FRYL: variants seen among roughly 807,000 people sequenced by gnomAD.
FRYL encodes the protein protein furry homolog-like.
Under a neutral mutation model 351.2 loss-of-function variants are expected in FRYL, and 150 were observed. That is an observed-to-expected ratio of 0.43 (90% CI 0.37 to 0.49). The LOEUF is 0.49. Among genes scored for constraint, FRYL ranks in the 20% least tolerant of loss-of-function variants. FRYL has a pLI of 0.00. For missense variants in FRYL, 3,036 were observed against 3,619.3 expected (o/e 0.84, Z 4.13); for synonymous variants, 1,153 against 1,257.1 (o/e 0.92, Z 1.75).
chr4:48,601,950 G>A (rs1745799085), intron 13 of FRYL, 70 bp downstream of exon 13: 1 of 874,726 alleles, frequency 1.1e-6, no homozygotes, highest in Non-Finnish European at 1.9e-6. Flanking sequence ...ATTATGCACT[G>A]TTCAATTTAT....
At chr4:48,770,879 C>T (rs1775445119) in intron 1 of FRYL, among the ~76,000 whole-genome samples, 1 of 152,124 alleles carries the variant, frequency 6.6e-6, no homozygotes, top group Admixed American at 6.6e-5. Flanking sequence ...AAATTCCAAG[C>T]TACTATCCCT....
At chr4:48,505,250 A>G in intron 60 of FRYL, 1 of 344,858 alleles carries the variant, frequency 2.9e-6, no homozygotes, top group South Asian at 4.3e-5. Context: ...ATTTTTCTTT[A>G]AGAGGCACAT....
At chr4:48,614,594 C>T (rs1180456974) in intron 7 of FRYL, among the ~76,000 whole-genome samples, 2 of 151,258 alleles carry the variant, frequency 1.3e-5, no homozygotes, top group African/African-American at 4.9e-5. Flanking sequence ...TAGTGACGTG[C>T]ACCTGTAATC....
At chr4:48,554,737 G>C (rs55884608) in intron 35 of FRYL, among the ~76,000 whole-genome samples, 140,533 of 152,248 alleles carry the variant, frequency 0.92, 65,267 homozygotes, top group South Asian at 0.98. Flanking sequence ...TTTCAGGTTC[G>C]ATCTCCTCTG....
chr4:48,634,635 C>T, intron 3 of FRYL, 145 bp from the exon 4 acceptor site: 1 of 518,982 alleles, frequency 1.9e-6, no homozygotes, highest in Non-Finnish European at 3.4e-6. Flanking sequence ...TTGTCTATTT[C>T]TAACATACTA....
At chr4:48,650,326 C>T (rs1182309819) in intron 3 of FRYL, among the ~76,000 whole-genome samples, 3 of 152,146 alleles carry the variant, frequency 2.0e-5, no homozygotes, top group Admixed American at 2.0e-4. Flanking sequence ...CTTGTCTGCA[C>T]ATTTACCAGA....
intron 19 of FRYL, among the ~76,000 whole-genome samples, chr4:48,583,209 C>T (rs917084498): frequency 5.9e-5 from 9 of 151,638 alleles, no homozygotes; most frequent in East Asian, 3.9e-4. Context: ...TGGAGTGCAG[C>T]GGCATGATCT....
chr4:48,719,873 C>T (rs1217073975), intron 1 of FRYL, among the ~76,000 whole-genome samples: 2 of 151,378 alleles, frequency 1.3e-5, no homozygotes, highest in Non-Finnish European at 3.0e-5. Flanking sequence ...CACTAAAGGC[C>T]GGGTGTGGTG....
At chr4:48,541,057 C>T in intron 45 of FRYL, 97 bp from the exon 46 acceptor site, 1 of 1,197,908 alleles carries the variant, frequency 8.3e-7, no homozygotes, top group Non-Finnish European at 1.1e-6. Context: ...TAACTGGTAC[C>T]AGAAAAATCA....
rs139919815 is a variant in FRYL, at chr4:48,662,400, G to A, written c.-81+22273C>T. ...CTACCTGCAGCCTGGGCAACAGAGC[G>A]AGACCCTGTCTCTAAAAAAAATAAC... On this transcript the variant is annotated intron_variant, in intron 3 of 63. Coordinates refer to ENST00000358350, the MANE Select transcript of FRYL (RefSeq NM_015030.2). Among the ~76,000 whole-genome samples the A allele has an allele frequency of 1.6e-3, 246 of 152,058 alleles. 1 individual carries two copies. The highest frequency in any genetic ancestry group is 5.5e-3 in the African/African-American group (228 of 41,480).
At position 48,497,951 on chromosome 4, in the gene FRYL, T is replaced by C. The variant is rs1253123469; in HGVS notation, c.*1471A>G. 1.3e-5 allele frequency: 2 copies of C among 152,602 alleles called. No homozygotes were observed. The highest frequency in any genetic ancestry group is 6.5e-5 in the Admixed American group (1 of 15,272). 9.5% of individuals were successfully genotyped at this position (152,602 alleles called of 1,614,324 possible). A position where few individuals can be genotyped will look rare whatever the true frequency, so the allele number is the denominator to read the frequency against. ...GAAAAGGTAAAGCTAAGCATTTCATTTCTACATTCTAAACTCTGGAATCAC... is the reference window on the plus strand; with the variant it reads ...GAAAAGGTAAAGCTAAGCATTTCATCTCTACATTCTAAACTCTGGAATCAC... On this transcript the variant is annotated 3_prime_UTR_variant, in exon 64 of 64. Coordinates refer to ENST00000358350, the MANE Select transcript of FRYL (RefSeq NM_015030.2).
intron 7 of FRYL, among the ~76,000 whole-genome samples, chr4:48,617,330 CAAAGAAA>C (rs1749695377): frequency 6.9e-6 from 1 of 144,570 alleles, no homozygotes; most frequent in South Asian, 2.2e-4. Context: ...ATGAGTCCAC[CAAAGAAA>C]AAAAAAAAGA....
At chr4:48,772,334 C>T (rs141858513) in intron 1 of FRYL, among the ~76,000 whole-genome samples, 2,659 of 152,148 alleles carry the variant, frequency 0.017, 46 homozygotes, top group Non-Finnish European at 0.026. Flanking sequence ...CACAGTGAGC[C>T]GTGATTGCAC....
intron 2 of FRYL, among the ~76,000 whole-genome samples, chr4:48,700,511 A>G (rs867562599): frequency 6.6e-6 from 1 of 152,192 alleles, no homozygotes; most frequent in Non-Finnish European, 1.5e-5. Context: ...TTTTAAAAAT[A>G]GTAACTTTCA....
chr4:48,516,047 T>C (rs1723524785), intron 55 of FRYL, among the ~76,000 whole-genome samples: 1 of 152,174 alleles, frequency 6.6e-6, no homozygotes, highest in Admixed American at 6.5e-5. Context: ...ATCAGAAGGA[T>C]GCTGAACCTA....
At chr4:48,755,501 G>C (rs1268670486) in intron 1 of FRYL, among the ~76,000 whole-genome samples, 10 of 152,206 alleles carry the variant, frequency 6.6e-5, no homozygotes, top group Middle Eastern at 3.4e-3. Flanking sequence ...TGGTCATCCA[G>C]CCAACATTAT....
Position 48,576,147 on chromosome 4 carries a change from C to G in FRYL, c.2604G>C (p.Leu868=), listed in dbSNP as rs750390476. ...DSYIGLWRNY[L]ILCCSAATSS... ...ATGTTGCTGCACTGCAGCAAAGGATCAGATAGTTTCTCCACAGGCCAATGT... is the reference window on the plus strand; with the variant it reads ...ATGTTGCTGCACTGCAGCAAAGGATGAGATAGTTTCTCCACAGGCCAATGT... Residue 868 remains leucine (L), a synonymous_variant, in exon 24 of 64, where the codon CTG becomes CTC. Transcript: ENST00000358350. The G allele has an allele frequency of 2.8e-5, 45 of 1,613,530 alleles. No individual in the cohort carries two copies. The highest frequency in any genetic ancestry group is 3.6e-5 in the Non-Finnish European group (43 of 1,179,912).
intron 3 of FRYL, among the ~76,000 whole-genome samples, chr4:48,673,854 C>T (rs1347183199): frequency 1.3e-5 from 2 of 152,178 alleles, no homozygotes; most frequent in African/African-American, 2.4e-5. Flanking sequence ...AAAGTTCACG[C>T]TCAGCTTATG....
chr4:48,708,307 TA>T (rs35125793), intron 2 of FRYL, among the ~76,000 whole-genome samples: 146,502 of 151,218 alleles, frequency 0.97, 71,030 homozygotes, highest in Non-Finnish European at 1. Flanking sequence ...AATAAATAAA[TA>T]AAAATAAAAT....
Sources: gnomAD v4.1 joint callset for allele counts (sites outside exome capture counted in the v4.1 genomes callset) on GRCh38, gnomAD v4.1.1 for gene constraint, MANE v1.5 for transcripts, NCBI Gene and HGNC (gene_info 2026-07-23, HGNC 2026-07-21) for gene names.